LIPK: variants seen among roughly 807,000 people sequenced by gnomAD.
The protein encoded by LIPK is lipase family member K.
LIPK carries 32 observed loss-of-function variants against 48.6 expected under a neutral mutation model. That is an observed-to-expected ratio of 0.66 (90% CI 0.50 to 0.88). The LOEUF is 0.88. LIPK is among the 40% of genes least tolerant of loss of function. The pLI is 0.00. For missense variants in LIPK, 507 were observed against 478.5 expected (o/e 1.06, Z -0.56); for synonymous variants, 164 against 157.4 (o/e 1.04, Z -0.32).
At chr10:88,751,932 A>C (rs1842870222) in intron 9 of LIPK, among the ~76,000 whole-genome samples, 1 of 152,168 alleles carries the variant, frequency 6.6e-6, no homozygotes, top group African/African-American at 2.4e-5. Context: ...AGACCTGGTT[A>C]CCTGGAACAG....
At chr10:88,730,885 T>C in intron 3 of LIPK, 98 bp from the exon 4 acceptor site, 1 of 1,145,246 alleles carries the variant, frequency 8.7e-7, no homozygotes, top group Non-Finnish European at 1.2e-6. Context: ...TTTTATCTCT[T>C]AACCTTTCTT....
At chr10:88,710,624 T>A (rs1270463473) in intron 1 of LIPK, among the ~76,000 whole-genome samples, 1 of 152,176 alleles carries the variant, frequency 6.6e-6, no homozygotes, top group Non-Finnish European at 1.5e-5. Flanking sequence ...CTTTTTTCAT[T>A]CGGCATAACG....
chr10:88,742,811 AC>A (rs1469530652), intron 8 of LIPK, among the ~76,000 whole-genome samples: 3 of 152,214 alleles, frequency 2.0e-5, no homozygotes, highest in African/African-American at 7.2e-5. Context: ...AACAGTTTAG[AC>A]CACATCATGA....
At chr10:88,717,706 T>G (rs537815472) in intron 1 of LIPK, among the ~76,000 whole-genome samples, 1 of 152,266 alleles carries the variant, frequency 6.6e-6, no homozygotes, top group African/African-American at 2.4e-5. Context: ...GAATGCACAA[T>G]TGCCATAAAA....
At chr10:88,726,988 T>A in intron 3 of LIPK, 76 bp downstream of exon 3, 2 of 856,146 alleles carry the variant, frequency 2.3e-6, no homozygotes, top group Non-Finnish European at 3.7e-6. Context: ...AGTCAAGCAG[T>A]TTTTGTTCTG....
At chr10:88,719,198 T>C (rs549244646) in intron 1 of LIPK, among the ~76,000 whole-genome samples, 1 of 152,220 alleles carries the variant, frequency 6.6e-6, no homozygotes, top group East Asian at 1.9e-4. Context: ...ATAGACATTA[T>C]TTATCATCTT....
At chr10:88,739,369 C>A (rs1228566352) in intron 7 of LIPK, among the ~76,000 whole-genome samples, 1 of 152,106 alleles carries the variant, frequency 6.6e-6, no homozygotes, top group Non-Finnish European at 1.5e-5. Context: ...TCCCCTATAC[C>A]CTTGAACCTA....
intron 8 of LIPK, 49 bp from the exon 9 acceptor site, chr10:88,743,201 A>G (rs1426847057): frequency 7.0e-6 from 9 of 1,286,526 alleles, no homozygotes; most frequent in Non-Finnish European, 9.9e-6. Context: ...ACTGTCTTTA[A>G]ATGTACACTA....
chr10:88,743,182 T>A, intron 8 of LIPK, 68 bp from the exon 9 acceptor site: 1 of 1,035,862 alleles, frequency 9.7e-7, no homozygotes, highest in Non-Finnish European at 1.4e-6. Flanking sequence ...CTTTGTATAT[T>A]TCTTCTGTAC....
intron 1 of LIPK, among the ~76,000 whole-genome samples, chr10:88,709,642 T>C (rs1841992778): frequency 6.6e-6 from 1 of 152,228 alleles, no homozygotes; most frequent in African/African-American, 2.4e-5. Flanking sequence ...TCTATTTTTT[T>C]TTTTTTAAGC....
chr10:88,726,578 C>T (rs1842346172), intron 2 of LIPK, among the ~76,000 whole-genome samples: 1 of 152,112 alleles, frequency 6.6e-6, no homozygotes, highest in African/African-American at 2.4e-5. Flanking sequence ...CCTTTAGTTC[C>T]AGCTACTTGG....
rs767930988 is a variant in LIPK at position 88,743,279 on chromosome 10, T to G, written c.918T>G (p.Phe306Leu). Residue 306 changes from phenylalanine to leucine, a missense_variant, in exon 9 of 10, where the codon TTT (phenylalanine) becomes TTG (leucine). Transcript: ENST00000404190. ...TTAATTCTGGTCAGCTCCAAGCTTT[T>G]GATTGGGGAAACTCTGATCAGAACA... ...QAVNSGQLQA[F>L]DWGNSDQNMM... is the part of the protein sequence containing the mutation. The G allele has an allele frequency of 4.4e-6, 7 of 1,593,438 alleles. No homozygotes were observed. Among genetic ancestry groups the G allele is most frequent in the Non-Finnish European group, 5.1e-6 (6 of 1,168,032 alleles).
intron 6 of LIPK, among the ~76,000 whole-genome samples, chr10:88,734,942 A>G (rs530017755): frequency 6.6e-6 from 1 of 152,084 alleles, no homozygotes; most frequent in East Asian, 1.9e-4. Context: ...TTTTTATGGG[A>G]GCTTCTGGAC....
Position 88,724,567 on chromosome 10 carries a change from A to T in LIPK, c.24A>T (p.Ala8=), listed in dbSNP as rs1420555036. 1 of 1,608,836 alleles carries T rather than the reference A, an allele frequency of 6.2e-7. No individual in the cohort carries two copies. The change falls in exon 2 of 10, where the codon GCA becomes GCT. Residue 8 remains alanine, a synonymous_variant. Transcript: ENST00000404190. MWQLLAA[A]CWMLLLGSMY... ...AAATGTGGCAGCTTTTAGCAGCAGC[A>T]TGCTGGATGCTTCTTCTTGGATCTA...
At chr10:88,708,657 A>T (rs1841977129) in intron 1 of LIPK, among the ~76,000 whole-genome samples, 1 of 152,068 alleles carries the variant, frequency 6.6e-6, no homozygotes, top group African/African-American at 2.4e-5. Flanking sequence ...CACAATTTTC[A>T]AAATGAATCC....
chr10:88,742,879 G>A (rs566504952), intron 8 of LIPK, among the ~76,000 whole-genome samples: 4 of 152,192 alleles, frequency 2.6e-5, no homozygotes, highest in Non-Finnish European at 5.9e-5. Context: ...TGTAAGAAAT[G>A]TATAGCTAAT....
At chr10:88,749,956 A>G (rs946605986) in intron 9 of LIPK, among the ~76,000 whole-genome samples, 2 of 152,176 alleles carry the variant, frequency 1.3e-5, no homozygotes, top group Non-Finnish European at 2.9e-5. Context: ...GCAAACTAAC[A>G]AGCAAAAAAA....
chr10:88,739,202 G>T (rs1166102786), intron 7 of LIPK, among the ~76,000 whole-genome samples: 2 of 152,128 alleles, frequency 1.3e-5, no homozygotes, highest in Non-Finnish European at 2.9e-5. Context: ...CAAAATTTCA[G>T]AGTCCTGTAG....
chr10:88,732,656 T>G, intron 6 of LIPK, 105 bp downstream of exon 6: 3 of 1,184,342 alleles, frequency 2.5e-6, no homozygotes, highest in Non-Finnish European at 3.6e-6. Flanking sequence ...GAGAAAATAA[T>G]AGGTATTCAA....
Sources: allele counts gnomAD v4.1 joint callset (sites outside exome capture counted in the v4.1 genomes callset), GRCh38; gene constraint gnomAD v4.1.1; transcripts MANE v1.5; gene names NCBI Gene and HGNC (gene_info 2026-07-23, HGNC 2026-07-21).